Variants in EFHC2 observed in about 807,000 individuals in gnomAD.
EFHC2 encodes the protein EF-hand domain-containing family member C2.
A neutral mutation model predicts 52.7 loss-of-function variants in EFHC2; 18 were observed. The ratio of observed to expected loss-of-function variants is 0.34; its 90% CI spans 0.24 to 0.51. The LOEUF (loss-of-function observed/expected upper bound fraction) is 0.51, where lower values mean the gene tolerates loss of function less well. EFHC2 is among the 20% of genes least tolerant of loss of function. The pLI is 0.97. For missense variants in EFHC2, 513 were observed against 562.5 expected (o/e 0.91, Z 0.89); for synonymous variants, 203 against 204.1 (o/e 0.99, Z 0.04).
At chrX:44,223,127 C>T (rs2037206612) in intron 11 of EFHC2, among the ~76,000 whole-genome samples, 1 of 112,225 alleles carries the variant, frequency 8.9e-6, no homozygotes, top group African/African-American at 3.2e-5. Context: ...TCCCAGACTT[C>T]CTTGCAGTTA....
chrX:44,250,825 G>GAAAA (rs752731813), intron 4 of EFHC2, among the ~76,000 whole-genome samples: 2 of 46,980 alleles, frequency 4.3e-5, no homozygotes, highest in African/African-American at 1.3e-4. Context: ...ACTCCATTTC[G>GAAAA]AAAAAAAAAA....
chrX:44,199,857 T>C (rs901641201), intron 11 of EFHC2, among the ~76,000 whole-genome samples: 11 of 111,851 alleles, frequency 9.8e-5, no homozygotes, highest in African/African-American at 3.6e-4. Flanking sequence ...CAACTCCAAA[T>C]TGAACAACAT....
At chrX:44,254,636 C>T (rs1171471503) in intron 4 of EFHC2, among the ~76,000 whole-genome samples, 10 of 111,847 alleles carry the variant, frequency 8.9e-5, no homozygotes, top group African/African-American at 2.3e-4. Flanking sequence ...AAAGACCAAA[C>T]GTACGTTTGA....
At position 44,231,210 on chromosome X, in the gene EFHC2, C is replaced by T. The variant is rs578084846; in HGVS notation, c.1620+1271G>A. Among the ~76,000 whole-genome samples the T allele has an allele frequency of 3.7e-4, 41 of 112,054 alleles. No individual in the cohort carries two copies. In the South Asian group the frequency reaches 0.013, roughly 37 times the overall value. ...ACCCTGTGGAGAAGAGCATTGTTGG[C>T]TGACAGACTCCAGCTGCCATACCTT... On this transcript the variant is annotated intron_variant, in intron 10 of 14. Transcript: ENST00000420999.
chrX:44,277,879 T>C (rs2037672018), intron 2 of EFHC2, among the ~76,000 whole-genome samples: 1 of 110,379 alleles, frequency 9.1e-6, no homozygotes, highest in South Asian at 3.7e-4. Context: ...TTTATATACA[T>C]GTATGTAATA....
chrX:44,199,904 C>G (rs1293807605), intron 11 of EFHC2, among the ~76,000 whole-genome samples: 2 of 112,118 alleles, frequency 1.8e-5, no homozygotes, highest in Non-Finnish European at 3.8e-5. Flanking sequence ...TAAAAAGTAT[C>G]AAGGTCATAA....
chrX:44,312,821 G>A, intron 1 of EFHC2, 65 bp from the exon 2 acceptor site: 1 of 1,007,645 alleles, frequency 9.9e-7, no homozygotes, highest in Non-Finnish European at 1.3e-6. Flanking sequence ...TAACCTGTTT[G>A]TAAAATGTCA....
chrX:44,212,245 C>A (rs61024216), intron 11 of EFHC2, among the ~76,000 whole-genome samples: 7,199 of 111,130 alleles, frequency 0.065, 585 homozygotes, highest in African/African-American at 0.22. Context: ...AATTTTAATG[C>A]CTTTTAAAAC....
In EFHC2 at chrX:44,343,642, C is replaced by A; in HGVS notation, c.-54G>T. The A allele has an allele frequency of 1.1e-6, 1 of 926,847 alleles. No homozygotes were observed. The highest frequency in any genetic ancestry group is 1.4e-6 in the Non-Finnish European group (1 of 730,411). The allele number at this position is 926,847 out of a possible 1,213,427, so 76.4% of individuals were successfully genotyped here. A position where few individuals can be genotyped will look rare whatever the true frequency, so the allele number is the denominator to read the frequency against. On this transcript the variant is annotated 5_prime_UTR_variant, in exon 1 of 15. Coordinates refer to ENST00000420999, the MANE Select transcript of EFHC2 (RefSeq NM_025184.4). ...CCAGAAGAGAGGGCCCGGCAGGCAG[C>A]GGCGCCTCCCGGCCGTGTTGTTTGG...
At chrX:44,268,640 A>C (rs2037594776) in intron 3 of EFHC2, among the ~76,000 whole-genome samples, 1 of 111,755 alleles carries the variant, frequency 8.9e-6, no homozygotes, top group African/African-American at 3.3e-5. Context: ...ACCTGTAAGA[A>C]ATTTTTTCTT....
intron 9 of EFHC2, among the ~76,000 whole-genome samples, chrX:44,234,712 G>T (rs1296984252): frequency 1.8e-5 from 2 of 111,855 alleles, no homozygotes; most frequent in African/African-American, 6.5e-5. Context: ...CAAAGAACAG[G>T]ATCCTACAGT....
chrX:44,192,035 G>A (rs1257812592), intron 11 of EFHC2, among the ~76,000 whole-genome samples: 1 of 104,869 alleles, frequency 9.5e-6, no homozygotes. Flanking sequence ...TTGAAACAAT[G>A]TTTTCACTTT....
intron 11 of EFHC2, among the ~76,000 whole-genome samples, chrX:44,198,136 G>A (rs2147293560): frequency 9.0e-6 from 1 of 111,139 alleles, no homozygotes; most frequent in Non-Finnish European, 1.9e-5. Flanking sequence ...CATGGAAAAA[G>A]AAATAAAATA....
chrX:44,249,416 G>A (rs1255786909), intron 5 of EFHC2, among the ~76,000 whole-genome samples: 1 of 109,724 alleles, frequency 9.1e-6, no homozygotes, highest in African/African-American at 3.3e-5. Context: ...CCTTATAGGT[G>A]TTTACAGGTC....
At chrX:44,272,507 T>A (rs1201060123) in intron 3 of EFHC2, among the ~76,000 whole-genome samples, 179 bp downstream of exon 3, 1 of 111,393 alleles carries the variant, frequency 9.0e-6, no homozygotes, top group Admixed American at 9.6e-5. Context: ...ATGCAGAGGG[T>A]AGAAAGCTGG....
At chrX:44,292,868 C>T (rs2037802223) in intron 2 of EFHC2, among the ~76,000 whole-genome samples, 1 of 110,988 alleles carries the variant, frequency 9.0e-6, no homozygotes, top group Admixed American at 9.6e-5. Context: ...TTCCTGAGGC[C>T]TCCTTAGAAG....
At chrX:44,242,506 T>TAA (rs199945466) in intron 7 of EFHC2, among the ~76,000 whole-genome samples, 2 of 97,739 alleles carry the variant, frequency 2.0e-5, no homozygotes, top group Admixed American at 1.1e-4. Context: ...GTTCAAAAGT[T>TAA]AAAAAAAAAA....
intron 4 of EFHC2, among the ~76,000 whole-genome samples, chrX:44,256,845 A>C (rs1254131617): frequency 6.5e-5 from 7 of 107,153 alleles, no homozygotes; most frequent in Non-Finnish European, 1.3e-4. Context: ...ACAACAACAC[A>C]AAAAGGAAAT....
chrX:44,154,960 G>A (rs2036596573), intron 14 of EFHC2, among the ~76,000 whole-genome samples: 1 of 111,673 alleles, frequency 9.0e-6, no homozygotes, highest in Non-Finnish European at 1.9e-5. Flanking sequence ...GAAAGCCACA[G>A]CACAGCTTGA....
Sources: gnomAD v4.1 joint callset for allele counts (sites outside exome capture counted in the v4.1 genomes callset) on GRCh38, gnomAD v4.1.1 for gene constraint, MANE v1.5 for transcripts, NCBI Gene and HGNC (gene_info 2026-07-23, HGNC 2026-07-21) for gene names.